The following IQANK1 variants were observed in gnomAD, a reference collection of about 807,000 sequenced individuals.
IQANK1 encodes IQ motif and ankyrin repeat domain-containing protein 1.
IQANK1 carries 30 observed loss-of-function variants against 22.6 expected under a neutral mutation model. The ratio of observed to expected loss-of-function variants is 1.33; its 90% confidence interval spans 0.99 to 1.80. The LOEUF (loss-of-function observed/expected upper bound fraction) is 1.80, where lower values mean the gene tolerates loss of function less well. IQANK1 is among the 40% of genes most tolerant of loss of function. The pLI is 0.00. For synonymous variants in IQANK1, 122 were observed against 99.6 expected, an observed-to-expected ratio of 1.23 and a Z score of -1.34; for missense variants, 275 against 235.2, an observed-to-expected ratio of 1.17 and a Z score of -1.11.
At position 143,789,956 on chromosome 8, in the gene IQANK1, C is replaced by T. The variant is rs1294781358; in HGVS notation, c.1196-15C>T. The T allele has an allele frequency of 2.2e-5, 27 of 1,231,904 alleles. No individual in the cohort carries two copies. In the East Asian group the frequency reaches 7.6e-4, roughly 35 times the overall value. The allele number at this position is 1,231,904 out of a possible 1,614,324, so 76.3% of individuals were successfully genotyped here. A position where few individuals can be genotyped will look rare whatever the true frequency, so the allele number is the denominator to read the frequency against. On this transcript the variant is annotated splice_polypyrimidine_tract_variant and intron_variant, in intron 11 of 13. Coordinates refer to ENST00000527139, the MANE Select transcript of IQANK1 (RefSeq NM_001381874.1). ...GTCGGGCTTGCCTGTCAGCTGCACTCTGCTACCCCGACAGGGGAGGAAGAG... is the reference window on the plus strand; with the variant it reads ...GTCGGGCTTGCCTGTCAGCTGCACTTTGCTACCCCGACAGGGGAGGAAGAG...
chr8:143,736,499 A>G (rs1425742445), intron 2 of IQANK1, among the ~76,000 whole-genome samples: 2 of 152,062 alleles, frequency 1.3e-5, no homozygotes, highest in Non-Finnish European at 2.9e-5. Flanking sequence ...TAGCACTCAG[A>G]GAAGCCCAGC....
chr8:143,757,998 C>T (rs1420917388), intron 3 of IQANK1, among the ~76,000 whole-genome samples: 9 of 152,160 alleles, frequency 5.9e-5, no homozygotes, highest in Non-Finnish European at 1.3e-4. Context: ...TATAGTGTAT[C>T]AGTTCATGCT....
intron 7 of IQANK1, among the ~76,000 whole-genome samples, chr8:143,781,403 A>G (rs1554630922): frequency 6.6e-6 from 1 of 152,164 alleles, no homozygotes; most frequent in African/African-American, 2.4e-5. Context: ...GCCCGTTCTT[A>G]TGTCCAGGAT....
In IQANK1 at chr8:143,790,233, GC is replaced by G; in HGVS notation, c.1388del (p.Pro463ArgfsTer?). ...VDTVNPEPLR[P>X]ETMWLALLGA... ...ACACGGTGAACCCGGAGCCCCTGAG[GC>G]CGGAGACGATGTGGCTGGCTCTGCT... On this transcript the variant is annotated frameshift_variant, in exon 13 of 14. Transcript: ENST00000527139. LOFTEE classifies it low-confidence loss of function (END_TRUNC). The G allele has an allele frequency of 8.1e-7, 1 of 1,232,278 alleles. No individual in the cohort carries two copies. The highest frequency in any genetic ancestry group is 1.0e-6 in the Non-Finnish European group (1 of 988,090). 76.3% of individuals were successfully genotyped at this position (1,232,278 alleles called of 1,614,324 possible).
At chr8:143,753,546 C>T (rs566808400) in intron 3 of IQANK1, among the ~76,000 whole-genome samples, 13 of 151,070 alleles carry the variant, frequency 8.6e-5, no homozygotes, top group South Asian at 4.2e-4. Context: ...CTCTGCCTCC[C>T]GGTTTCAAGT....
chr8:143,750,964 GTGTT>G (rs1227371836), intron 3 of IQANK1, among the ~76,000 whole-genome samples: 2 of 150,800 alleles, frequency 1.3e-5, no homozygotes, highest in Admixed American at 6.6e-5. Context: ...GTGTGTGTGT[GTGTT>G]TTTTTGTAGT....
intron 3 of IQANK1, among the ~76,000 whole-genome samples, chr8:143,756,812 TAAAA>T (rs36111952): frequency 5.2e-5 from 7 of 134,234 alleles, no homozygotes; most frequent in Non-Finnish European, 8.1e-5. Context: ...CTAAAAAAAT[TAAAA>T]AAAAAAAAAA....
intron 7 of IQANK1, among the ~76,000 whole-genome samples, chr8:143,777,288 C>G (rs60893857): frequency 0.04 from 6,044 of 151,770 alleles, 369 homozygotes; most frequent in African/African-American, 0.13. Flanking sequence ...AGCTGAGGTG[C>G]GTAGATCACC....
chr8:143,773,328 C>A (rs200033720), intron 7 of IQANK1, among the ~76,000 whole-genome samples: 34,914 of 135,262 alleles, frequency 0.26, 4,527 homozygotes, highest in East Asian at 0.51. Flanking sequence ...AAAAAAAACA[C>A]AAAAAAAACA....
intron 3 of IQANK1, among the ~76,000 whole-genome samples, chr8:143,743,469 G>A (rs574458825): frequency 2.6e-5 from 4 of 152,272 alleles, no homozygotes; most frequent in African/African-American, 9.6e-5. Flanking sequence ...TTGTTCTCAA[G>A]GACTTGGGCT....
At chr8:143,787,116 G>T (rs1819904540) in intron 7 of IQANK1, among the ~76,000 whole-genome samples, 2 of 152,210 alleles carry the variant, frequency 1.3e-5, no homozygotes, top group Admixed American at 6.5e-5. Flanking sequence ...TAGCCCCAGG[G>T]TTTGTCTCAT....
chr8:143,751,920 T>C (rs1200209460), intron 3 of IQANK1, among the ~76,000 whole-genome samples: 2 of 19,668 alleles, frequency 1.0e-4, no homozygotes, highest in Admixed American at 1.8e-3. Context: ...TATAGGATTC[T>C]TTTTTGCCAG....
chr8:143,750,944 T>TTGTG (rs56002701), intron 3 of IQANK1, among the ~76,000 whole-genome samples: 78,544 of 149,588 alleles, frequency 0.53, 24,035 homozygotes, highest in Non-Finnish European at 0.68. Context: ...CTGTCTTCTT[T>TTGTG]TGTGTGTGTG....
Position 143,735,237 on chromosome 8 carries a change from C to A in IQANK1, c.-4-613C>A, listed in dbSNP as rs1245920972. Among the ~76,000 whole-genome samples the A allele has an allele frequency of 6.6e-6, 1 of 152,202 alleles. No individual in the cohort carries two copies. Among genetic ancestry groups the A allele is most frequent in the Non-Finnish European group, 1.5e-5 (1 of 68,042 alleles). ...GGGGCATGGGGCACCGGGGAGGACC[C>A]GGACAGGCTGGGGCAGGCAGGAGGA... On this transcript the variant is annotated intron_variant, in intron 1 of 13. Coordinates refer to ENST00000527139, the MANE Select transcript of IQANK1 (RefSeq NM_001381874.1). The surrounding 1 kb of genome is among the most constrained non-coding windows in gnomAD (Gnocchi z 5.2).
chr8:143,752,549 A>G (rs544269718), intron 3 of IQANK1, among the ~76,000 whole-genome samples: 1 of 152,322 alleles, frequency 6.6e-6, no homozygotes, highest in East Asian at 1.9e-4. Flanking sequence ...TTCTTCAAAC[A>G]TAGTCATAAG....
rs1367326483 is a variant in IQANK1, at chr8:143,771,310, G to A, written c.176-178G>A. The stretch of plus-strand genomic sequence containing the variant: ...TCTCCGCGTCCCGGGCTCTCGCGCA[G>A]CCTCCTCGTGCGGCCTCTGCGGGCG... On this transcript the variant is annotated intron_variant, in intron 3 of 13. Coordinates refer to ENST00000527139, the MANE Select transcript of IQANK1 (RefSeq NM_001381874.1). This position sits in a 1 kb window ranked among gnomAD's most constrained non-coding sequence, Gnocchi z 6.0. 6.7e-6 allele frequency among the ~76,000 whole-genome samples: 1 copy of A among 148,900 alleles called. No individual in the cohort carries two copies. Among genetic ancestry groups the A allele is most frequent in the Non-Finnish European group, 1.5e-5 (1 of 66,958 alleles).
chr8:143,736,140 TA>T, intron 2 of IQANK1, among the ~76,000 whole-genome samples: 1 of 142,744 alleles, frequency 7.0e-6, no homozygotes, highest in East Asian at 2.5e-4. Flanking sequence ...AGCCTGAATC[TA>T]TTTTTTTTTT....
At chr8:143,775,355 GAC>G (rs1216128730) in intron 7 of IQANK1, among the ~76,000 whole-genome samples, 29 of 99,446 alleles carry the variant, frequency 2.9e-4, no homozygotes, top group Admixed American at 7.3e-4. Context: ...CACACACACA[GAC>G]ACACACACAC....
intron 3 of IQANK1, chr8:143,742,327 C>A (rs917776966): frequency 2.2e-6 from 1 of 450,082 alleles, no homozygotes; most frequent in Non-Finnish European, 4.5e-6. Flanking sequence ...TGCTGCTGCC[C>A]GCCAGGATCT....
Sources: gnomAD v4.1 joint callset for allele counts (sites outside exome capture counted in the v4.1 genomes callset) on GRCh38, gnomAD v4.1.1 for gene constraint, Gnocchi (gnomAD v3.1) non-coding constraint, MANE v1.5 for transcripts, NCBI Gene and HGNC (gene_info 2026-07-23, HGNC 2026-07-21) for gene names.